IL27: variants seen among roughly 807,000 people sequenced by gnomAD.
IL27 encodes interleukin-27 subunit alpha.
Under a neutral mutation model 27.0 loss-of-function variants are expected in IL27, and 11 were observed. The observed-to-expected ratio is 0.41, with a 90% CI of 0.26 to 0.67. The LOEUF (loss-of-function observed/expected upper bound fraction) is 0.67. Among genes scored for constraint, IL27 ranks in the 30% least tolerant of loss-of-function variants. IL27 has a pLI of 0.34. For missense variants in IL27, 299 were observed against 310.4 expected (o/e 0.96, Z 0.28); for synonymous variants, 134 against 140.6 (o/e 0.95, Z 0.33).
rs113871192 is a variant in IL27, at chr16:28,500,291, T to C, written c.463-371A>G. On this transcript the variant is annotated intron_variant, in intron 4 of 4. Transcript: ENST00000356897. ...TGCTTGCCATTCCTCTCTCTCTCTCTTTCTTGGGAGCCCCGCTCTGTCGCC... is the reference window on the plus strand; with the variant it reads ...TGCTTGCCATTCCTCTCTCTCTCTCCTTCTTGGGAGCCCCGCTCTGTCGCC... Among the ~76,000 whole-genome samples the C allele has an allele frequency of 6.9e-3, 1,051 of 151,636 alleles. 15 individuals carry two copies. The highest frequency in any genetic ancestry group is 0.022 in the African/African-American group (908 of 41,332).
intron 4 of IL27, among the ~76,000 whole-genome samples, chr16:28,501,467 G>T (rs1371172620): frequency 7.4e-6 from 1 of 135,064 alleles, no homozygotes; most frequent in Non-Finnish European, 1.6e-5. Context: ...CACACTCACA[G>T]CCACACACTT....
Position 28,499,876 on chromosome 16 carries a change from T to TTCCTCCTCC in IL27, c.498_506dup (p.Glu174_Glu176dup), listed in dbSNP as rs763420121. 2 of 1,546,664 alleles carry TTCCTCCTCC rather than the reference T, an allele frequency of 1.3e-6. No individual in the cohort carries two copies. The highest frequency in any genetic ancestry group is 1.7e-6 in the Non-Finnish European group (2 of 1,143,130). ...TCCTCTCCTCCTCCTCCTCCTCCTC[T>TTCCTCCTCC]TCCTCCTCCTCCTCCTCCGGGAGGT... is the stretch of plus-strand genomic sequence containing the variant. On this transcript the variant is annotated inframe_insertion, in exon 5 of 5. Coordinates refer to ENST00000356897, the MANE Select transcript of IL27 (RefSeq NM_145659.3).
intron 1 of IL27, 54 bp from the exon 2 acceptor site, chr16:28,504,104 G>T: frequency 4.6e-6 from 7 of 1,511,582 alleles, no homozygotes; most frequent in Middle Eastern, 1.8e-4. Context: ...AGAAGGAAGG[G>T]AACATGCCTT....
intron 3 of IL27, among the ~76,000 whole-genome samples, chr16:28,502,462 G>A (rs2046438234): frequency 6.6e-6 from 1 of 151,680 alleles, no homozygotes; most frequent in Non-Finnish European, 1.5e-5. Context: ...TCCTGCCCAT[G>A]TGTTTCCATC....
At position 28,499,659 on chromosome 16, in the gene IL27, G is replaced by C; in HGVS notation, c.724C>G (p.Gln242Glu). The change falls in exon 5 of 5, where the codon CAG becomes GAG. Residue 242 changes from glutamine (Q) to glutamate (E), a missense_variant. Transcript: ENST00000356897. ...GGCTAAGAAGCCACCGATCAGGGCT[G>C]GGGGCTCAATGTTGGGAACCCCAAG... ...WPLGFPTLSP[Q>E]P 6.2e-7 allele frequency: 1 copy of C among 1,610,618 alleles called. No homozygotes were observed. Among genetic ancestry groups the C allele is most frequent in the Admixed American group, 1.7e-5 (1 of 59,584 alleles).
At position 28,499,864 on chromosome 16, in the gene IL27, CTCCTCCTCCTCT is replaced by C; in HGVS notation, c.507_518del (p.Glu173_Glu176del). 1.3e-6 allele frequency: 2 copies of C among 1,555,918 alleles called. No individual in the cohort carries two copies. The highest frequency in any genetic ancestry group is 2.0e-5 in the Admixed American group (1 of 51,266). ...GGAGCAGCCCCTTCCTCTCCTCCTC[CTCCTCCTCCTCT>C]TCCTCCTCCTCCTCCTCCGGGAGGT... On this transcript the variant is annotated inframe_deletion, in exon 5 of 5. Transcript: ENST00000356897.
At chr16:28,500,412 C>G (rs1330919696) in intron 4 of IL27, among the ~76,000 whole-genome samples, 1 of 152,056 alleles carries the variant, frequency 6.6e-6, no homozygotes, top group Admixed American at 6.6e-5. Flanking sequence ...GTAGCTGGGA[C>G]TACAGACGCG....
At chr16:28,504,448 G>C (rs868804578) in intron 1 of IL27, among the ~76,000 whole-genome samples, 1 of 152,008 alleles carries the variant, frequency 6.6e-6, no homozygotes, top group African/African-American at 2.4e-5. Context: ...GCTCCAGCCT[G>C]GGCGACAGAG....
At chr16:28,501,168 G>A (rs2141736600) in intron 4 of IL27, among the ~76,000 whole-genome samples, 1 of 151,576 alleles carries the variant, frequency 6.6e-6, no homozygotes, top group Middle Eastern at 3.4e-3. Context: ...CAGCCTGGGC[G>A]ACAGAGTGAG....
At chr16:28,500,835 C>T (rs575967528) in intron 4 of IL27, among the ~76,000 whole-genome samples, 154 of 152,230 alleles carry the variant, frequency 1.0e-3, no homozygotes, top group African/African-American at 3.6e-3. Flanking sequence ...CCTGCACACA[C>T]GCACACACTC....
chr16:28,505,948 G>A (rs1217066013), intron 1 of IL27, among the ~76,000 whole-genome samples: 1 of 152,092 alleles, frequency 6.6e-6, no homozygotes, highest in Non-Finnish European at 1.5e-5. Context: ...TGTGGTGGGC[G>A]ATGCCTAACG....
rs2046417855 is a variant in IL27 at position 28,499,452 on chromosome 16, C to T, written c.*199G>A. Reference sequence around the variant, plus strand: ...AAGACAATAAATAAACCATCATCTCCCTAAACAATAAATAAATATCCAAGA... The same window carrying T: ...AAGACAATAAATAAACCATCATCTCTCTAAACAATAAATAAATATCCAAGA... On this transcript the variant is annotated 3_prime_UTR_variant, in exon 5 of 5. Transcript: ENST00000356897. The T allele has an allele frequency of 3.5e-6, 2 of 570,534 alleles. No homozygotes were observed. Among genetic ancestry groups the T allele is most frequent in the Non-Finnish European group, 6.3e-6 (2 of 319,568 alleles). 35.3% of individuals were successfully genotyped at this position (570,534 alleles called of 1,614,324 possible). A position where few individuals can be genotyped will look rare whatever the true frequency, so the allele number is the denominator to read the frequency against.
At position 28,503,712 on chromosome 16, in the gene IL27, C is replaced by A. The variant is rs1216860043; in HGVS notation, c.286G>T (p.Ala96Ser). Residue 96 changes from alanine to serine, a missense_variant, in exon 3 of 5, where the codon GCC (alanine) becomes TCC (serine). Physicochemically the swap from Ala to Ser is moderately conservative, Grantham distance 99. Transcript: ENST00000356897. The stretch of plus-strand genomic sequence containing the variant: ...TCACTCACAGAGAGGCGGCGCCAGG[C>A]CTGGAAGGTCAGGGAAACATCAGGG... ...QLPDVSLTFQ[A>S]WRRLSDPERL... is the part of the protein sequence containing the mutation. 18 of 1,612,110 alleles carry A rather than the reference C, an allele frequency of 1.1e-5. No homozygotes were observed. The highest frequency in any genetic ancestry group is 1.5e-5 in the Non-Finnish European group (18 of 1,178,850).
intron 3 of IL27, 69 bp from the exon 4 acceptor site, chr16:28,502,203 C>A (rs1388689015): frequency 1.4e-6 from 2 of 1,426,674 alleles, no homozygotes; most frequent in Admixed American, 4.5e-5. Flanking sequence ...CCACCCCCTC[C>A]CTATCCGGGT....
In IL27 at chr16:28,503,986, G is replaced by A. The variant is rs762762170; in HGVS notation, c.96C>T (p.Pro32=). The A allele has an allele frequency of 1.2e-6, 2 of 1,613,992 alleles. No homozygotes were observed. Among genetic ancestry groups the A allele is most frequent in the South Asian group, 2.2e-5 (2 of 91,056 alleles). The change falls in exon 2 of 5, where the codon CCC becomes CCT. Residue 32 remains proline (P), a synonymous_variant. Transcript: ENST00000356897. ...VQAGVWGFPR[P]PGRPQLSLQE... is the part of the protein sequence containing the mutation. ...GCAGGCTCAGCTGGGGCCTCCCTGG[G>A]GGCCTTGGGAATCCCCAGACACCAG... is the stretch of plus-strand genomic sequence containing the variant.
intron 3 of IL27, among the ~76,000 whole-genome samples, chr16:28,503,266 A>G (rs2046443706): frequency 1.3e-5 from 2 of 151,262 alleles, no homozygotes; most frequent in Admixed American, 1.3e-4. Flanking sequence ...CAGTTTATTT[A>G]TTTTTCTGAG....
intron 4 of IL27, among the ~76,000 whole-genome samples, chr16:28,500,194 CT>C (rs1304297072): frequency 6.6e-5 from 10 of 152,248 alleles, no homozygotes; most frequent in African/African-American, 2.4e-4. Context: ...CAGGAAGTTT[CT>C]CTCTGCTGTG....
rs1400923494 is a variant in IL27 at position 28,502,094 on chromosome 16, G to A, written c.344C>T (p.Pro115Leu). ...RLCFISTTLQPFHALLGGLGT... is the reference protein window; with the variant it reads ...RLCFISTTLQLFHALLGGLGT... ...CAGCCCTCCCAGCAGGGCATGGAAG[G>A]GCTGAAGCGTGGTGGAGATGAAGCA... Residue 115 changes from proline to leucine, a missense_variant, in exon 4 of 5, where the codon CCC (proline) becomes CTC (leucine). Coordinates refer to ENST00000356897, the MANE Select transcript of IL27 (RefSeq NM_145659.3). The A allele has an allele frequency of 5.0e-6, 8 of 1,613,322 alleles. No individual in the cohort carries two copies. The highest frequency in any genetic ancestry group is 1.3e-5 in the African/African-American group (1 of 75,026).
rs2046445692 is a variant in IL27 at position 28,503,651 on chromosome 16, G to A, written c.303+44C>T. ...AGCCTCATCTTGCACCCTGGCCCCA[G>A]CCTATCACAAGCTTCCCGCCCCACT... On this transcript the variant is annotated intron_variant, in intron 3 of 4. Transcript: ENST00000356897. 5 of 1,445,290 alleles carry A rather than the reference G, an allele frequency of 3.5e-6. No homozygotes were observed. In the East Asian group the frequency reaches 1.1e-4, roughly 33 times the overall value. The allele number at this position is 1,445,290 out of a possible 1,614,324, so 89.5% of individuals were successfully genotyped here.
Sources: gnomAD v4.1 joint callset for allele counts (sites outside exome capture counted in the v4.1 genomes callset) on GRCh38, gnomAD v4.1.1 for gene constraint, MANE v1.5 for transcripts, NCBI Gene and HGNC (gene_info 2026-07-23, HGNC 2026-07-21) for gene names.